The following IRAG1 variants were observed in gnomAD, a reference collection of about 807,000 sequenced individuals.
IRAG1 encodes the protein IP3R-associated cGMP kinase substrate.
In IRAG1, 62 loss-of-function variants were observed where a neutral mutation model predicts 106.2. The ratio of observed to expected loss-of-function variants is 0.58; its 90% CI spans 0.48 to 0.72. The LOEUF is 0.72. Ranked by LOEUF, IRAG1 falls within the 30% of genes least tolerant of loss-of-function variation. The probability of loss-of-function intolerance (pLI) is 0.00; values close to 1 mark genes in which losing one functional copy is unlikely to be tolerated. For missense variants in IRAG1, 1,064 were observed against 1,140.7 expected (o/e 0.93, Z 0.97); for synonymous variants, 462 against 443.9 (o/e 1.04, Z -0.51).
chr11:10,647,276 G>A lies in IRAG1; in HGVS notation c.225+4749C>T, dbSNP rs1049745191. Among the ~76,000 whole-genome samples, 1 of 152,226 alleles carries A rather than the reference G, an allele frequency of 6.6e-6. No homozygotes were observed. Among genetic ancestry groups the A allele is most frequent in the African/African-American group, 2.4e-5 (1 of 41,460 alleles). ...ATCCTGGGCCTGCCACTTATGAGCT[G>A]TATGACCTTGGAGGAAGGTAGTTAA... On this transcript the variant is annotated intron_variant, in intron 2 of 20. Transcript: ENST00000423302. This position sits in a 1 kb window ranked among gnomAD's most constrained non-coding sequence, Gnocchi z 4.3.
At position 10,657,533 on chromosome 11, in the gene IRAG1, G is replaced by A. The variant is rs1008024919; in HGVS notation, c.68-5351C>T. Among the ~76,000 whole-genome samples the A allele has an allele frequency of 6.6e-6, 1 of 152,214 alleles. No individual in the cohort carries two copies. The highest frequency in any genetic ancestry group is 2.4e-5 in the African/African-American group (1 of 41,440). On this transcript the variant is annotated intron_variant, in intron 1 of 20. Coordinates refer to ENST00000423302, the MANE Select transcript of IRAG1 (RefSeq NM_130385.4). This position sits in a 1 kb window ranked among gnomAD's most constrained non-coding sequence, Gnocchi z 4.1. Reference sequence around the variant, plus strand: ...TGTGAATCTTTGAGCATTGAGGGAAGAGCCAAGAAGCCCTTTCGGGAAACC... The same window carrying A: ...TGTGAATCTTTGAGCATTGAGGGAAAAGCCAAGAAGCCCTTTCGGGAAACC...
chr11:10,649,395 G>C (rs553424514), intron 2 of IRAG1, among the ~76,000 whole-genome samples: 1 of 152,312 alleles, frequency 6.6e-6, no homozygotes, highest in East Asian at 1.9e-4. Context: ...GGGCTGGGCT[G>C]AACAGGCAGA....
chr11:10,649,293 G>GCAGTAAAGTAA (rs1362388202), intron 2 of IRAG1, among the ~76,000 whole-genome samples: 1 of 152,172 alleles, frequency 6.6e-6, no homozygotes, highest in Non-Finnish European at 1.5e-5. Context: ...AAGGGAAGAG[G>GCAGTAAAGTAA]GTAAAAGAAA....
chr11:10,634,929 A>G (rs1049159909), intron 2 of IRAG1, among the ~76,000 whole-genome samples: 2 of 152,178 alleles, frequency 1.3e-5, no homozygotes, highest in Non-Finnish European at 2.9e-5. Context: ...AAAACAAAAA[A>G]GGCAGTTTCT....
intron 1 of IRAG1, among the ~76,000 whole-genome samples, chr11:10,673,862 G>A (rs1331281776): frequency 6.6e-6 from 1 of 152,182 alleles, no homozygotes; most frequent in Admixed American, 6.5e-5. Context: ...AACAGGTTGA[G>A]GGAAAGAGAT....
intron 10 of IRAG1, among the ~76,000 whole-genome samples, chr11:10,610,384 A>G (rs1277259252): frequency 6.6e-6 from 1 of 152,258 alleles, no homozygotes; most frequent in Non-Finnish European, 1.5e-5. Context: ...CAGATCTCAG[A>G]AACATAAATG....
At chr11:10,682,441 T>C (rs1861331633) in intron 1 of IRAG1, among the ~76,000 whole-genome samples, 1 of 152,212 alleles carries the variant, frequency 6.6e-6, no homozygotes, top group South Asian at 2.1e-4. Context: ...AGATCCTTGA[T>C]GTCTATAACC....
rs373055744 is a variant in IRAG1, at chr11:10,626,425, G to C, written c.909C>G (p.Pro303=). 6.2e-7 allele frequency: 1 copy of C among 1,613,990 alleles called. No homozygotes were observed. The highest frequency in any genetic ancestry group is 8.5e-7 in the Non-Finnish European group (1 of 1,179,884). ...FDPLQYPETT[P]KGLAPVTNSS... ...TGTTTGTAACAGGAGCTAGGCCTTTGGGTGTGGTCTCGGGGTACTGGAGGG... is the reference window on the plus strand; with the variant it reads ...TGTTTGTAACAGGAGCTAGGCCTTTCGGTGTGGTCTCGGGGTACTGGAGGG... The change falls in exon 9 of 21, where the codon CCC becomes CCG. Residue 303 remains proline, a synonymous_variant. Transcript: ENST00000423302.
At chr11:10,684,104 T>C (rs1861475076) in intron 1 of IRAG1, among the ~76,000 whole-genome samples, 1 of 152,178 alleles carries the variant, frequency 6.6e-6, no homozygotes, top group South Asian at 2.1e-4. Context: ...ACCTCTCCTG[T>C]AGAGAAAAGG....
chr11:10,630,323 C>T (rs551922810), intron 4 of IRAG1, among the ~76,000 whole-genome samples: 16 of 152,028 alleles, frequency 1.1e-4, no homozygotes, highest in Admixed American at 2.0e-4. Context: ...TACCTATAAA[C>T]ATCTCTGGAG....
Position 10,606,563 on chromosome 11 carries a change from CGTGGGAA to C in IRAG1, c.1602+172_1602+178del, listed in dbSNP as rs1190959778. Reference sequence around the variant, plus strand: ...TTTGTCAAAATCTTCCATGAACGGACGTGGGAATGGGGATCTCATGGTTCAAGAGGGC... The same window carrying C: ...TTTGTCAAAATCTTCCATGAACGGACTGGGGATCTCATGGTTCAAGAGGGC... On this transcript the variant is annotated intron_variant, in intron 12 of 20. Coordinates refer to ENST00000423302, the MANE Select transcript of IRAG1 (RefSeq NM_130385.4). 3.9e-5 allele frequency among the ~76,000 whole-genome samples: 6 copies of C among 152,234 alleles called. No individual in the cohort carries two copies. In the East Asian group the frequency reaches 1.2e-3, roughly 29 times the overall value.
chr11:10,619,455 G>A (rs1000456928), intron 10 of IRAG1, among the ~76,000 whole-genome samples: 6 of 152,290 alleles, frequency 3.9e-5, no homozygotes, highest in Admixed American at 3.3e-4. Flanking sequence ...TTTATCCTGG[G>A]TATGGGAGGG....
intron 12 of IRAG1, among the ~76,000 whole-genome samples, chr11:10,606,153 A>T (rs1591596295): frequency 6.6e-6 from 1 of 152,244 alleles, no homozygotes; most frequent in East Asian, 1.9e-4. Flanking sequence ...GGTCCACATC[A>T]GCAGTTCTCA....
At position 10,657,901 on chromosome 11, in the gene IRAG1, G is replaced by A. The variant is rs1345250849; in HGVS notation, c.68-5719C>T. ...CATGTGACCAAGGCCACATCTATGA[G>A]TGAGGGGCAGAGTCAGAAAAGTCCC... On this transcript the variant is annotated intron_variant, in intron 1 of 20. Coordinates refer to ENST00000423302, the MANE Select transcript of IRAG1 (RefSeq NM_130385.4). The surrounding 1 kb of genome is among the most constrained non-coding windows in gnomAD (Gnocchi z 4.1). Among the ~76,000 whole-genome samples, 2 of 152,208 alleles carry A rather than the reference G, an allele frequency of 1.3e-5. No homozygotes were observed.
At chr11:10,591,055 A>G (rs1852599165) in intron 18 of IRAG1, among the ~76,000 whole-genome samples, 1 of 152,222 alleles carries the variant, frequency 6.6e-6, no homozygotes, top group Non-Finnish European at 1.5e-5. Flanking sequence ...ACATGGCAAG[A>G]AACAGTCCCT....
chr11:10,626,827 G>A (rs1438495981), intron 8 of IRAG1, among the ~76,000 whole-genome samples: 1 of 152,252 alleles, frequency 6.6e-6, no homozygotes, highest in Non-Finnish European at 1.5e-5. Context: ...GATAGGAGCT[G>A]AGGAAAACTG....
Position 10,604,499 on chromosome 11 carries a change from G to A in IRAG1, c.1649C>T (p.Thr550Ile). ...LSLAFRNDSY[T>I]LESRINQAER... ...AGCCTGGTTAATTCTAGATTCCAGAGTGTAGCTGTCATTTCTAAAGGCCAA... is the reference window on the plus strand; with the variant it reads ...AGCCTGGTTAATTCTAGATTCCAGAATGTAGCTGTCATTTCTAAAGGCCAA... Residue 550 changes from threonine to isoleucine, a missense_variant, in exon 13 of 21, where the codon ACT (threonine) becomes ATT (isoleucine). Physicochemically the swap from Thr to Ile is moderately conservative, Grantham distance 89. Transcript: ENST00000423302. 2 of 1,614,050 alleles carry A rather than the reference G, an allele frequency of 1.2e-6. No homozygotes were observed. Among genetic ancestry groups the A allele is most frequent in the Non-Finnish European group, 1.7e-6 (2 of 1,179,910 alleles).
chr11:10,617,007 CA>C (rs1222502899), intron 10 of IRAG1: 14 of 982,766 alleles, frequency 1.4e-5, no homozygotes, highest in Admixed American at 6.3e-5. Flanking sequence ...TCCTAAAAGT[CA>C]AAGCTGCTAG....
chr11:10,651,057 A>T (rs182614165), intron 2 of IRAG1, among the ~76,000 whole-genome samples: 15 of 152,378 alleles, frequency 9.8e-5, no homozygotes, highest in Admixed American at 2.0e-4. Context: ...CACCTGGCTC[A>T]GGTCAGTTTG....
Sources: allele counts gnomAD v4.1 joint callset (sites outside exome capture counted in the v4.1 genomes callset), GRCh38; gene constraint gnomAD v4.1.1; non-coding constraint Gnocchi (gnomAD v3.1); transcripts MANE v1.5; gene names NCBI Gene and HGNC (gene_info 2026-07-23, HGNC 2026-07-21).